The following PLSCR4 variants were observed in gnomAD, a reference collection of about 807,000 sequenced individuals.
PLSCR4 encodes the protein phospholipid scramblase 4.
A neutral mutation model predicts 36.3 loss-of-function variants in PLSCR4; 25 were observed. The ratio of observed to expected loss-of-function variants is 0.69; its 90% CI spans 0.50 to 0.96. The LOEUF (loss-of-function observed/expected upper bound fraction) is 0.96. PLSCR4 is among the 40% of genes least tolerant of loss of function. The pLI is 0.00. For missense variants in PLSCR4, 408 were observed against 414.7 expected, an observed-to-expected ratio of 0.98 and a Z score of 0.14; for synonymous variants, 122 against 132.9, an observed-to-expected ratio of 0.92 and a Z score of 0.56.
chr3:146,222,643 G>C (rs1339745781), intron 1 of PLSCR4, among the ~76,000 whole-genome samples: 1 of 152,192 alleles, frequency 6.6e-6, no homozygotes, highest in African/African-American at 2.4e-5. Context: ...CTGGGCCACA[G>C]TGAGTGAAGC....
chr3:146,206,495 T>A, intron 4 of PLSCR4, 31 bp downstream of exon 4: 1 of 1,501,826 alleles, frequency 6.7e-7, no homozygotes, highest in East Asian at 2.3e-5. Context: ...TCACATTTCA[T>A]AAGAAAATAA....
In PLSCR4 at chr3:146,206,494, A is replaced by G. The variant is rs1460169782; in HGVS notation, c.354+32T>C. 14 of 1,502,144 alleles carry G rather than the reference A, an allele frequency of 9.3e-6. No homozygotes were observed. In the Admixed American group the frequency reaches 1.3e-4, roughly 14 times the overall value. 93.1% of individuals were successfully genotyped at this position (1,502,144 alleles called of 1,614,324 possible). A position where few individuals can be genotyped will look rare whatever the true frequency, so the allele number is the denominator to read the frequency against. ...TGTTGGATCCCTATGGTCACATTTC[A>G]TAAGAAAATAATTTGTATTTTCATG... On this transcript the variant is annotated intron_variant, in intron 4 of 8. Coordinates refer to ENST00000354952, the MANE Select transcript of PLSCR4 (RefSeq NM_020353.3).
chr3:146,197,100 A>G (rs900957332), intron 6 of PLSCR4, among the ~76,000 whole-genome samples: 3 of 152,148 alleles, frequency 2.0e-5, no homozygotes, highest in Non-Finnish European at 4.4e-5. Context: ...TATAACTCTG[A>G]AAAATATAAG....
chr3:146,195,315 T>G, intron 7 of PLSCR4, 33 bp from the exon 8 acceptor site: 12 of 1,545,296 alleles, frequency 7.8e-6, no homozygotes, highest in Non-Finnish European at 1.1e-5. Flanking sequence ...TTATGATGAT[T>G]GAAACGCATT....
chr3:146,241,072 AG>A (rs1382360948), intron 1 of PLSCR4, among the ~76,000 whole-genome samples: 1 of 152,142 alleles, frequency 6.6e-6, no homozygotes, highest in Non-Finnish European at 1.5e-5. Flanking sequence ...ACTACTAGAA[AG>A]AAGTCAGTCA....
chr3:146,222,616 A>G (rs1184725985), intron 1 of PLSCR4, among the ~76,000 whole-genome samples: 1 of 152,186 alleles, frequency 6.6e-6, no homozygotes, highest in African/African-American at 2.4e-5. Flanking sequence ...GGAAAAGAGA[A>G]AGTGGTTTAG....
chr3:146,236,457 A>C (rs1344638915), intron 1 of PLSCR4, among the ~76,000 whole-genome samples: 1 of 152,162 alleles, frequency 6.6e-6, no homozygotes, highest in Non-Finnish European at 1.5e-5. Flanking sequence ...TCCCCACCGA[A>C]ATTTCATATT....
chr3:146,214,981 C>T (rs2034826888), intron 3 of PLSCR4, among the ~76,000 whole-genome samples: 1 of 152,016 alleles, frequency 6.6e-6, no homozygotes, highest in Non-Finnish European at 1.5e-5. Flanking sequence ...TGAATACACT[C>T]ATTCTGTCTT....
chr3:146,210,525 G>A (rs985515425), intron 3 of PLSCR4, among the ~76,000 whole-genome samples: 1 of 152,094 alleles, frequency 6.6e-6, no homozygotes, highest in Non-Finnish European at 1.5e-5. Context: ...GGAGTTCTTA[G>A]TAAAATTCCA....
chr3:146,227,443 T>A (rs1269023927), intron 1 of PLSCR4, among the ~76,000 whole-genome samples: 3 of 152,206 alleles, frequency 2.0e-5, no homozygotes, highest in Non-Finnish European at 2.9e-5. Flanking sequence ...TCTTATTATA[T>A]GCTATTATAT....
At chr3:146,243,887 T>C (rs75095835) in intron 1 of PLSCR4, among the ~76,000 whole-genome samples, 2,563 of 152,286 alleles carry the variant, frequency 0.017, 78 homozygotes, top group African/African-American at 0.058. Flanking sequence ...ATTCAGTGAA[T>C]GATAACCTTG....
intron 1 of PLSCR4, chr3:146,222,352 A>T (rs75217421): frequency 0.01 from 2,297 of 221,346 alleles, 55 homozygotes; most frequent in African/African-American, 0.048. Context: ...AATGAGATTT[A>T]AAAAAAGTCA....
chr3:146,241,270 A>G (rs1053611492), intron 1 of PLSCR4, among the ~76,000 whole-genome samples: 4 of 152,196 alleles, frequency 2.6e-5, no homozygotes, highest in Non-Finnish European at 5.9e-5. Flanking sequence ...ACAACTCTGA[A>G]TATACTAAAA....
Position 146,229,870 on chromosome 3 carries a change from C to T in PLSCR4, c.-21-7778G>A, listed in dbSNP as rs574797119. ...CGATCTCCTGACCTCGTGATCCACCCGCCTCAGCCTCCCAAAGTGCTGGGA... is the reference window on the plus strand; with the variant it reads ...CGATCTCCTGACCTCGTGATCCACCTGCCTCAGCCTCCCAAAGTGCTGGGA... On this transcript the variant is annotated intron_variant, in intron 1 of 8. Coordinates refer to ENST00000354952, the MANE Select transcript of PLSCR4 (RefSeq NM_020353.3). Among the ~76,000 whole-genome samples the T allele has an allele frequency of 4.6e-5, 7 of 152,112 alleles. No individual in the cohort carries two copies. The East Asian group carries it at 5.8e-4, about 13-fold the overall frequency.
intron 1 of PLSCR4, 179 bp downstream of exon 1, chr3:146,250,781 C>T (rs2036515577): frequency 6.6e-6 from 1 of 152,212 alleles, no homozygotes; most frequent in Admixed American, 6.5e-5. Context: ...CTGCAACCAC[C>T]TGAGGATGCG....
At chr3:146,238,270 A>C (rs371866587) in intron 1 of PLSCR4, among the ~76,000 whole-genome samples, 2 of 151,962 alleles carry the variant, frequency 1.3e-5, no homozygotes, top group Non-Finnish European at 2.9e-5. Context: ...TAAGGAATGA[A>C]TATCAACCCT....
chr3:146,207,669 TTGGGAAA>T (rs1559905135), intron 3 of PLSCR4, among the ~76,000 whole-genome samples: 1 of 152,208 alleles, frequency 6.6e-6, no homozygotes, highest in Non-Finnish European at 1.5e-5. Flanking sequence ...TAACATCACA[TTGGGAAA>T]TGGGACTTCA....
intron 1 of PLSCR4, among the ~76,000 whole-genome samples, chr3:146,247,928 A>G (rs932758873): frequency 6.6e-6 from 1 of 152,186 alleles, no homozygotes; most frequent in African/African-American, 2.4e-5. Flanking sequence ...CAGCCTTACC[A>G]TGCAATTAAA....
At chr3:146,248,954 T>A (rs1018688759) in intron 1 of PLSCR4, among the ~76,000 whole-genome samples, 1 of 152,138 alleles carries the variant, frequency 6.6e-6, no homozygotes, top group African/African-American at 2.4e-5. Flanking sequence ...TTCATATATG[T>A]TTTGGATAAT....
Sources: gnomAD v4.1 joint callset for allele counts (sites outside exome capture counted in the v4.1 genomes callset) on GRCh38, gnomAD v4.1.1 for gene constraint, MANE v1.5 for transcripts, NCBI Gene and HGNC (gene_info 2026-07-23, HGNC 2026-07-21) for gene names.